RFX3: variants seen among roughly 807,000 people sequenced by gnomAD.
RFX3 encodes the protein transcription factor RFX3.
RFX3 carries 14 observed loss-of-function variants against 98.6 expected under a neutral mutation model. The observed-to-expected ratio is 0.14, with a 90% CI of 0.09 to 0.22. The LOEUF is 0.22. RFX3 is among the 10% of genes least tolerant of loss of function. RFX3 has a pLI of 1.00. For synonymous variants in RFX3, 383 were observed against 328.4 expected, an observed-to-expected ratio of 1.17 and a Z score of -1.80; for missense variants, 639 against 926.9, an observed-to-expected ratio of 0.69 and a Z score of 4.03.
chr9:3,229,561 G>C (rs1818214916), intron 15 of RFX3, among the ~76,000 whole-genome samples: 1 of 152,176 alleles, frequency 6.6e-6, no homozygotes, highest in Non-Finnish European at 1.5e-5. Context: ...TAGTTCAATA[G>C]TTTGATAATT....
chr9:3,271,872 T>A (rs547598325), intron 9 of RFX3, among the ~76,000 whole-genome samples: 1 of 152,212 alleles, frequency 6.6e-6, no homozygotes, highest in African/African-American at 2.4e-5. Context: ...GGATACTGCC[T>A]CTCTGGGCAT....
intron 1 of RFX3, among the ~76,000 whole-genome samples, chr9:3,504,096 C>A (rs1341716456): frequency 7.1e-6 from 1 of 140,684 alleles, no homozygotes; most frequent in Non-Finnish European, 1.5e-5. Flanking sequence ...TTGATCAATA[C>A]ATCTTTCTCT....
chr9:3,505,177 TA>T (rs1299202544), intron 1 of RFX3, among the ~76,000 whole-genome samples: 24 of 98,812 alleles, frequency 2.4e-4, no homozygotes, highest in Admixed American at 1.1e-3. Flanking sequence ...TATATTCATA[TA>T]AATATATATA....
chr9:3,439,299 G>A (rs181995460), intron 1 of RFX3, among the ~76,000 whole-genome samples: 81 of 151,978 alleles, frequency 5.3e-4, no homozygotes, highest in African/African-American at 1.8e-3. Flanking sequence ...CAAGTAATGA[G>A]AAGAGAGAAA....
intron 4 of RFX3, among the ~76,000 whole-genome samples, chr9:3,318,613 G>A (rs566999588): frequency 2.0e-5 from 3 of 148,872 alleles, no homozygotes; most frequent in African/African-American, 7.4e-5. Context: ...TCTTTAACCA[G>A]AAAGTAGCTA....
chr9:3,385,710 G>T (rs924148057), intron 2 of RFX3, among the ~76,000 whole-genome samples: 5 of 144,188 alleles, frequency 3.5e-5, no homozygotes, highest in African/African-American at 1.3e-4. Flanking sequence ...AAAAAGAAAA[G>T]AAAAGAAAAG....
intron 4 of RFX3, among the ~76,000 whole-genome samples, chr9:3,309,668 A>AT (rs1345339918): frequency 6.6e-6 from 1 of 152,234 alleles, no homozygotes; most frequent in Admixed American, 6.5e-5. Context: ...TCAATATTAC[A>AT]TTTTTTCAAA....
intron 4 of RFX3, among the ~76,000 whole-genome samples, chr9:3,326,735 C>T (rs1831967649): frequency 6.6e-6 from 1 of 152,272 alleles, no homozygotes; most frequent in South Asian, 2.1e-4. Context: ...CAGTCTATCA[C>T]TGGCAATTAT....
chr9:3,429,123 T>G (rs370596453), intron 1 of RFX3, among the ~76,000 whole-genome samples: 1 of 150,840 alleles, frequency 6.6e-6, no homozygotes, highest in Admixed American at 6.6e-5. Context: ...CCCGGGTTCA[T>G]GCCATTCTCC....
intron 2 of RFX3, among the ~76,000 whole-genome samples, chr9:3,381,599 A>G (rs1466090874): frequency 6.6e-6 from 1 of 152,124 alleles, no homozygotes; most frequent in East Asian, 1.9e-4. Flanking sequence ...ACCTAATTAT[A>G]TTCATAAGCA....
intron 11 of RFX3, 148 bp from the exon 12 acceptor site, chr9:3,266,453 T>C (rs1563828057): frequency 4.4e-6 from 2 of 452,706 alleles, no homozygotes; most frequent in Non-Finnish European, 7.8e-6. Context: ...TTTAACATTA[T>C]TCCTAACTTT....
At position 3,424,392 on chromosome 9, in the gene RFX3, C is replaced by G. The variant is rs576825387; in HGVS notation, c.-8-28796G>C. The stretch of plus-strand genomic sequence containing the variant: ...TTTTTTTTTTTTTGAGACGGAGTCT[C>G]GCTCTGTCGCCCAGGCTGGAGTGCA... On this transcript the variant is annotated intron_variant, in intron 1 of 16. Transcript: ENST00000617270. Among the ~76,000 whole-genome samples, 508 of 109,536 alleles carry G rather than the reference C, an allele frequency of 4.6e-3. 1 individual carries two copies. Among genetic ancestry groups the G allele is most frequent in the African/African-American group, 0.016 (460 of 28,428 alleles). 71.9% of individuals were successfully genotyped at this position (109,536 alleles called of 152,430 possible). A position where few individuals can be genotyped will look rare whatever the true frequency, so the allele number is the denominator to read the frequency against.
intron 6 of RFX3, among the ~76,000 whole-genome samples, chr9:3,290,005 A>C (rs1827130066): frequency 1.3e-5 from 2 of 152,106 alleles, no homozygotes; most frequent in Non-Finnish European, 2.9e-5. Context: ...TTGGATTAGG[A>C]GTAGAAAGTA....
rs983607856 is a variant in RFX3 at position 3,361,588 on chromosome 9, G to A, written c.118-14824C>T. Among the ~76,000 whole-genome samples the A allele has an allele frequency of 2.7e-5, 4 of 150,526 alleles. No individual in the cohort carries two copies. The East Asian group carries it at 7.8e-4, about 29-fold the overall frequency. On this transcript the variant is annotated intron_variant, in intron 2 of 16. Transcript: ENST00000617270. Reference sequence around the variant, plus strand: ...ATTCATTCCAACACTTTGGGAGGCTGAGGCGGGAGGACTGTTTGAGCCCAG... The same window carrying A: ...ATTCATTCCAACACTTTGGGAGGCTAAGGCGGGAGGACTGTTTGAGCCCAG...
At chr9:3,418,729 A>G (rs528051530) in intron 1 of RFX3, among the ~76,000 whole-genome samples, 1 of 152,342 alleles carries the variant, frequency 6.6e-6, no homozygotes, top group South Asian at 2.1e-4. Context: ...GTTTTAAATT[A>G]GGTAACATCA....
intron 2 of RFX3, among the ~76,000 whole-genome samples, chr9:3,370,167 T>G (rs534552535): frequency 9.4e-4 from 140 of 148,378 alleles, no homozygotes; most frequent in Non-Finnish European, 1.7e-3. Context: ...AGACTGCTGG[T>G]TAGGATGTTT....
intron 1 of RFX3, among the ~76,000 whole-genome samples, chr9:3,463,069 A>G (rs1847853061): frequency 6.6e-6 from 1 of 152,154 alleles, no homozygotes; most frequent in Non-Finnish European, 1.5e-5. Context: ...AATGTAGAGG[A>G]CATAAGGTAA....
intron 3 of RFX3, among the ~76,000 whole-genome samples, chr9:3,336,191 T>C (rs1295901410): frequency 6.6e-6 from 1 of 152,140 alleles, no homozygotes; most frequent in Non-Finnish European, 1.5e-5. Flanking sequence ...GTGACCATTA[T>C]CTCACATGGG....
At chr9:3,237,058 A>T (rs1024106549) in intron 15 of RFX3, among the ~76,000 whole-genome samples, 9 of 152,114 alleles carry the variant, frequency 5.9e-5, no homozygotes, top group Non-Finnish European at 1.3e-4. Context: ...AATTCTATAC[A>T]TTATCCTTTC....
Sources: gnomAD v4.1 joint callset for allele counts (sites outside exome capture counted in the v4.1 genomes callset) on GRCh38, gnomAD v4.1.1 for gene constraint, MANE v1.5 for transcripts, NCBI Gene and HGNC (gene_info 2026-07-23, HGNC 2026-07-21) for gene names.